SH2B2: variants seen among roughly 807,000 people sequenced by gnomAD.
SH2B2 encodes SH2B adaptor protein 2.
Under a neutral mutation model 35.7 loss-of-function variants are expected in SH2B2, and 37 were observed. The observed-to-expected ratio is 1.04, with a 90% confidence interval of 0.80 to 1.36. The LOEUF (loss-of-function observed/expected upper bound fraction) is 1.36, where lower values mean the gene tolerates loss of function less well. Ranked by LOEUF, SH2B2 falls within the 40% of genes most tolerant of loss-of-function variation. SH2B2 has a pLI of 0.00. For synonymous variants in SH2B2, 383 were observed against 376.4 expected (o/e 1.02, Z -0.20); for missense variants, 852 against 817.7 (o/e 1.04, Z -0.51).
At chr7:102,303,315 T>G (rs1271875479) in intron 2 of SH2B2, among the ~76,000 whole-genome samples, 4 of 151,922 alleles carry the variant, frequency 2.6e-5, no homozygotes, top group Admixed American at 6.6e-5. Flanking sequence ...ACTGAGAGGT[T>G]TAGGCAGGGG....
At chr7:102,293,357 G>T (rs1333753839) in intron 1 of SH2B2, among the ~76,000 whole-genome samples, 4 of 151,698 alleles carry the variant, frequency 2.6e-5, no homozygotes, top group African/African-American at 9.7e-5. Context: ...GTTAGGAGAG[G>T]CCGTGGCCTG....
chr7:102,314,713 C>T, intron 6 of SH2B2, 31 bp downstream of exon 6: 1 of 398,798 alleles, frequency 2.5e-6, no homozygotes, highest in Non-Finnish European at 4.4e-6. Context: ...CTCTTCCCAT[C>T]CCACCTCTCC....
chr7:102,289,293 G>A (rs782602481), intron 1 of SH2B2, among the ~76,000 whole-genome samples: 13 of 152,246 alleles, frequency 8.5e-5, no homozygotes, highest in African/African-American at 1.4e-4. Flanking sequence ...CTCACGGTTC[G>A]GTGGAAGAGA....
At chr7:102,300,099 C>G (rs1331930844) in intron 1 of SH2B2, among the ~76,000 whole-genome samples, 8 of 152,224 alleles carry the variant, frequency 5.3e-5, no homozygotes, top group Non-Finnish European at 5.9e-5. Context: ...TGTATTTTTA[C>G]TGCAACCTCT....
At chr7:102,288,155 C>A (rs1310786509) in intron 1 of SH2B2, among the ~76,000 whole-genome samples, 1 of 152,086 alleles carries the variant, frequency 6.6e-6, no homozygotes, top group Non-Finnish European at 1.5e-5. Flanking sequence ...GTGTGGTTTC[C>A]CCAAGAGGTT....
At position 102,306,813 on chromosome 7, in the gene SH2B2, C is replaced by T. The variant is rs376646864; in HGVS notation, c.822C>T (p.Phe274=). Residue 274 remains phenylalanine, a synonymous_variant, in exon 3 of 9, where the codon TTC becomes TTT. Transcript: ENST00000444095. ...AAATGCCAGAGAAGGATAACACATT[C>T]GTCCTCAAGGTGAGGTCTCACCCCT... ...PLEMPEKDNT[F]VLKVENGAEY... is the part of the protein sequence containing the mutation. 312 of 1,581,558 alleles carry T rather than the reference C, an allele frequency of 2.0e-4. 2 individuals are homozygous for T. Among genetic ancestry groups the T allele is most frequent in the South Asian group, 2.4e-4 (21 of 86,022 alleles).
intron 7 of SH2B2, among the ~76,000 whole-genome samples, chr7:102,318,050 C>T (rs76455858): frequency 0.012 from 1,893 of 152,234 alleles, 43 homozygotes; most frequent in African/African-American, 0.044. Flanking sequence ...CCCAACAGCA[C>T]CCAGCTGGAT....
intron 4 of SH2B2, among the ~76,000 whole-genome samples, chr7:102,313,463 A>G (rs1793702964): frequency 6.6e-6 from 1 of 151,816 alleles, no homozygotes. Context: ...CAAACAAACA[A>G]ACAAAAAAGA....
intron 1 of SH2B2, among the ~76,000 whole-genome samples, chr7:102,296,155 T>C (rs1198870264): frequency 6.6e-6 from 1 of 152,190 alleles, no homozygotes; most frequent in African/African-American, 2.4e-5. Flanking sequence ...CCCTTGGTTA[T>C]TGACTGCAGA....
chr7:102,321,584 C>T lies in SH2B2; in HGVS notation c.1853C>T (p.Ala618Val). 4.3e-6 allele frequency: 5 copies of T among 1,159,092 alleles called. No homozygotes were observed. The highest frequency in any genetic ancestry group is 5.3e-6 in the Non-Finnish European group (5 of 942,536). The allele number at this position is 1,159,092 out of a possible 1,614,324, so 71.8% of individuals were successfully genotyped here. ...ATAAEEPPEA[A>V]PGRARAVENQ... ...GCCGCCGAGGAGCCCCCGGAGGCCG[C>T]GCCCGGCCGCGCGCGCGCCGTGGAG... The change falls in exon 9 of 9, where the codon GCG becomes GTG. Residue 618 changes from alanine to valine, a missense_variant. Ala to Val is a moderately conservative substitution (Grantham distance 64). This residue lies in a region of SH2B2 where 556 missense variants were observed against 514.5 expected (regional missense o/e 1.08). Transcript: ENST00000444095.
chr7:102,321,059 CGT>C (rs1554558372), intron 8 of SH2B2, among the ~76,000 whole-genome samples: 1 of 152,112 alleles, frequency 6.6e-6, no homozygotes, highest in Non-Finnish European at 1.5e-5. Context: ...ATTATGTATG[CGT>C]GTGTGTGCAC....
chr7:102,310,595 G>A (rs1003827054), intron 4 of SH2B2, among the ~76,000 whole-genome samples: 23 of 152,310 alleles, frequency 1.5e-4, no homozygotes, highest in African/African-American at 5.5e-4. Flanking sequence ...CTGAGCAATT[G>A]GCAGCAGCTC....
intron 4 of SH2B2, among the ~76,000 whole-genome samples, chr7:102,309,837 C>A (rs1332286979): frequency 1.3e-5 from 2 of 152,056 alleles, no homozygotes; most frequent in Non-Finnish European, 2.9e-5. Context: ...GAGAAAAGCC[C>A]AGCAAAAAGA....
chr7:102,308,440 C>T (rs1161262883), intron 3 of SH2B2, among the ~76,000 whole-genome samples: 1 of 152,224 alleles, frequency 6.6e-6, no homozygotes, highest in Non-Finnish European at 1.5e-5. Context: ...CAGCCTGTCT[C>T]TCCACTCAAC....
intron 1 of SH2B2, among the ~76,000 whole-genome samples, chr7:102,290,557 A>C (rs1792638011): frequency 6.6e-6 from 1 of 151,962 alleles, no homozygotes; most frequent in East Asian, 1.9e-4. Context: ...GAGCCACTGC[A>C]CCCGGCCTCC....
intron 4 of SH2B2, among the ~76,000 whole-genome samples, chr7:102,313,766 G>C (rs1245691365): frequency 2.0e-5 from 3 of 151,972 alleles, no homozygotes; most frequent in African/African-American, 7.3e-5. Flanking sequence ...AAAAAAATTA[G>C]CCGGGCATGG....
chr7:102,300,222 G>A (rs1349090531), intron 1 of SH2B2, among the ~76,000 whole-genome samples: 1 of 152,236 alleles, frequency 6.6e-6, no homozygotes, highest in Non-Finnish European at 1.5e-5. Flanking sequence ...TAGAAACGGG[G>A]TTTCACCATG....
In SH2B2 at chr7:102,301,097, C is replaced by T; in HGVS notation, c.547C>T (p.Arg183Trp). Residue 183 changes from arginine (R) to tryptophan (W), a missense_variant, in exon 2 of 9, where the codon CGG becomes TGG. Physicochemically the swap from Arg to Trp is moderately radical, Grantham distance 101. Around this residue, in one of 3 missense-constraint regions of SH2B2, gnomAD observed 2 missense variants for 16.7 expected, o/e 0.12. Coordinates refer to ENST00000444095, the MANE Select transcript of SH2B2 (RefSeq NM_001359228.2). Reference protein sequence around the residue: ...DKWTRRLRLSRTLAAKVELVD... With the variant: ...DKWTRRLRLSWTLAAKVELVD... Reference sequence around the variant, plus strand: ...GTGGACGCGGCGCCTGAGGCTGTCGCGGACGCTGGCTGCCAAGGTGGAGCT... The same window carrying T: ...GTGGACGCGGCGCCTGAGGCTGTCGTGGACGCTGGCTGCCAAGGTGGAGCT... 2.8e-6 allele frequency: 4 copies of T among 1,441,102 alleles called. No homozygotes were observed. The highest frequency in any genetic ancestry group is 3.6e-6 in the Non-Finnish European group (4 of 1,101,562). 89.3% of individuals were successfully genotyped at this position (1,441,102 alleles called of 1,614,324 possible). A position where few individuals can be genotyped will look rare whatever the true frequency, so the allele number is the denominator to read the frequency against.
In SH2B2 at chr7:102,314,650, C is replaced by T. The variant is rs1324995103; in HGVS notation, c.1154C>T (p.Pro385Leu). The change falls in exon 6 of 9, where the codon CCG becomes CTG. Residue 385 changes from proline (P) to leucine (L), a missense_variant. By Grantham distance (98) the Pro-to-Leu change is moderately conservative. Coordinates refer to ENST00000444095, the MANE Select transcript of SH2B2 (RefSeq NM_001359228.2). Reference protein sequence around the residue: ...LETFLQTLESPGGSGSDSNNT... With the variant: ...LETFLQTLESLGGSGSDSNNT... ...ACCTTTCTGCAGACCCTGGAATCCC[C>T]GGGCGGCAGCGGCAGTGACAGCAAT... is the stretch of plus-strand genomic sequence containing the variant. The T allele has an allele frequency of 7.5e-6, 3 of 398,458 alleles. No individual in the cohort carries two copies. The highest frequency in any genetic ancestry group is 1.3e-4 in the South Asian group (1 of 7,858). 24.7% of individuals were successfully genotyped at this position (398,458 alleles called of 1,614,324 possible).
Sources: allele counts gnomAD v4.1 joint callset (sites outside exome capture counted in the v4.1 genomes callset), GRCh38; gene constraint gnomAD v4.1.1; regional missense constraint gnomAD v4.1.1; transcripts MANE v1.5; gene names NCBI Gene and HGNC (gene_info 2026-07-23, HGNC 2026-07-21).